ITGB1: variants seen among roughly 807,000 people sequenced by gnomAD.
ITGB1 encodes the protein integrin beta-1.
A neutral mutation model predicts 86.5 loss-of-function variants in ITGB1; 24 were observed. The observed-to-expected ratio is 0.28, with a 90% CI of 0.20 to 0.39. The LOEUF (loss-of-function observed/expected upper bound fraction) is 0.39. ITGB1 is among the 10% of genes least tolerant of loss of function. The pLI, the probability that ITGB1 is intolerant of heterozygous loss-of-function variation, is 1.00. For synonymous variants in ITGB1, 323 were observed against 316.8 expected (o/e 1.02, Z -0.21); for missense variants, 556 against 946.9 (o/e 0.59, Z 5.42).
In ITGB1 at chr10:32,924,594, A is replaced by G. The variant is rs562805257; in HGVS notation, c.787-854T>C. ...CCAACACAGAAAAACAGCCACAATC[A>G]AGGGTGTTATGGCTTGTTTAATACC... On this transcript the variant is annotated intron_variant, in intron 6 of 15. Coordinates refer to ENST00000302278, the MANE Select transcript of ITGB1 (RefSeq NM_002211.4). Among the ~76,000 whole-genome samples, 219 of 152,262 alleles carry G rather than the reference A, an allele frequency of 1.4e-3. 1 individual carries two copies. The highest frequency in any genetic ancestry group is 5.0e-3 in the African/African-American group (208 of 41,550).
At chr10:32,912,666 G>C (rs1593857168) in intron 11 of ITGB1, among the ~76,000 whole-genome samples, 1 of 152,206 alleles carries the variant, frequency 6.6e-6, no homozygotes, top group African/African-American at 2.4e-5. Context: ...GCAAAAAAAA[G>C]CTAAAACTGG....
intron 1 of ITGB1, among the ~76,000 whole-genome samples, chr10:32,943,237 C>T (rs889446350): frequency 6.6e-6 from 1 of 152,140 alleles, no homozygotes; most frequent in Admixed American, 6.5e-5. Context: ...ATGCTCATAG[C>T]TCTTAAACAT....
Position 32,922,294 on chromosome 10 carries a change from G to C in ITGB1, c.1091C>G (p.Ser364Cys). ...KSAVGTLSAN[S>C]SNVIQLIIDA... ...AATGATCAACTGAATTACATTGCTA[G>C]AATTTGCAGATAATGTTCCTACTGC... The change falls in exon 9 of 16, where the codon TCT (serine) becomes TGT (cysteine). Residue 364 changes from serine to cysteine, a missense_variant. Around this residue, in one of 4 missense-constraint regions of ITGB1, gnomAD observed 330 missense variants for 531.5 expected, o/e 0.62. Transcript: ENST00000302278. The C allele has an allele frequency of 6.2e-7, 1 of 1,609,758 alleles. No individual in the cohort carries two copies. The highest frequency in any genetic ancestry group is 8.5e-7 in the Non-Finnish European group (1 of 1,177,932).
In ITGB1 at chr10:32,929,961, G is replaced by A. The variant is rs1163742197; in HGVS notation, c.237C>T (p.Asp79=). ...CTTTGGAGCCTCTGGGATTTTCTAT[G>A]TCATCTGGAGGGCAACCCTTCTTTT... ...ALKKKGCPPD[D]IENPRGSKDI... The change falls in exon 4 of 16, where the codon GAC becomes GAT. Residue 79 remains aspartate (D), a synonymous_variant. Coordinates refer to ENST00000302278, the MANE Select transcript of ITGB1 (RefSeq NM_002211.4). The A allele has an allele frequency of 1.5e-6, 2 of 1,351,734 alleles. No individual in the cohort carries two copies. The allele number at this position is 1,351,734 out of a possible 1,614,324, so 83.7% of individuals were successfully genotyped here.
chr10:32,919,015 T>A (rs1290756275), intron 11 of ITGB1, among the ~76,000 whole-genome samples: 1 of 152,230 alleles, frequency 6.6e-6, no homozygotes, highest in Non-Finnish European at 1.5e-5. Context: ...GCAAAGTATT[T>A]TCAAGATAAT....
intron 1 of ITGB1, among the ~76,000 whole-genome samples, chr10:32,945,504 C>T (rs970101908): frequency 6.6e-6 from 1 of 151,884 alleles, no homozygotes; most frequent in Non-Finnish European, 1.5e-5. Context: ...GAGGCTGAGG[C>T]AGGAGAATGG....
At chr10:32,915,619 A>G (rs1232080264) in intron 11 of ITGB1, among the ~76,000 whole-genome samples, 1 of 152,242 alleles carries the variant, frequency 6.6e-6, no homozygotes, top group Non-Finnish European at 1.5e-5. Context: ...ACCAGGAAGA[A>G]GTTGAATCAC....
intron 3 of ITGB1, among the ~76,000 whole-genome samples, chr10:32,930,817 G>A (rs1393138104): frequency 6.6e-6 from 1 of 152,048 alleles, no homozygotes; most frequent in African/African-American, 2.4e-5. Flanking sequence ...TTTAAATGTG[G>A]TATACATCAA....
At chr10:32,906,554 C>T in intron 15 of ITGB1, 1 of 194,922 alleles carries the variant, frequency 5.1e-6, no homozygotes, top group Non-Finnish European at 1.1e-5. Flanking sequence ...CACACCACTG[C>T]ACTCCAGGCT....
chr10:32,935,815 C>T (rs1032132885), intron 1 of ITGB1: 1 of 320,260 alleles, frequency 3.1e-6, no homozygotes, highest in East Asian at 5.2e-5. Flanking sequence ...CTAAAGCAAA[C>T]CGATTATATT....
rs561258450 is a variant in ITGB1 at position 32,951,225 on chromosome 10, C to T, written c.-1+6920G>A. Among the ~76,000 whole-genome samples, 61 of 152,068 alleles carry T rather than the reference C, an allele frequency of 4.0e-4. No individual in the cohort carries two copies. The South Asian group carries it at 0.012, about 30-fold the overall frequency. On this transcript the variant is annotated intron_variant, in intron 1 of 15. Transcript: ENST00000302278. ...TGACAGTGATCAAAGAGCAAAACCA[C>T]AAAAGTCGAGGAAAAGTAAACAGAA...
intron 1 of ITGB1, among the ~76,000 whole-genome samples, chr10:32,954,053 A>C (rs1458171192): frequency 1.3e-5 from 2 of 151,798 alleles, no homozygotes; most frequent in African/African-American, 2.4e-5. Context: ...TTCACTCCAC[A>C]CCCTCCTTTG....
chr10:32,949,059 T>C (rs1235486822), intron 1 of ITGB1, among the ~76,000 whole-genome samples: 6 of 151,722 alleles, frequency 4.0e-5, no homozygotes, highest in African/African-American at 1.2e-4. Context: ...GTTTTGATGA[T>C]TTAAAGTAAT....
intron 9 of ITGB1, among the ~76,000 whole-genome samples, chr10:32,921,858 CAAAA>C (rs879782581): frequency 7.3e-6 from 1 of 136,840 alleles, no homozygotes; most frequent in Non-Finnish European, 1.6e-5. Context: ...GAAGAATTGG[CAAAA>C]AAAAAAACTT....
At chr10:32,929,247 G>A (rs2094975437) in intron 4 of ITGB1, among the ~76,000 whole-genome samples, 1 of 152,040 alleles carries the variant, frequency 6.6e-6, no homozygotes, top group Non-Finnish European at 1.5e-5. Flanking sequence ...GCGGGCTGAA[G>A]GCGATGGTGG....
intron 9 of ITGB1, among the ~76,000 whole-genome samples, chr10:32,921,007 A>C (rs2094947827): frequency 6.6e-6 from 1 of 150,656 alleles, no homozygotes; most frequent in Non-Finnish European, 1.5e-5. Flanking sequence ...AAACAAAAAC[A>C]GAAACCCCCC....
At chr10:32,935,417 T>C (rs2094998066) in intron 2 of ITGB1, 75 bp downstream of exon 2, 3 of 892,484 alleles carry the variant, frequency 3.4e-6, no homozygotes, top group Admixed American at 3.6e-5. Context: ...TAGGTTCTCA[T>C]ATGAACCTAA....
chr10:32,922,131 G>T (rs2094951966), intron 9 of ITGB1, 126 bp downstream of exon 9: 3 of 559,422 alleles, frequency 5.4e-6, no homozygotes, highest in East Asian at 6.5e-5. Flanking sequence ...GATACATACA[G>T]AATTTAAGTT....
At chr10:32,931,688 T>C (rs895193583) in intron 3 of ITGB1, among the ~76,000 whole-genome samples, 1 of 152,134 alleles carries the variant, frequency 6.6e-6, no homozygotes, top group South Asian at 2.1e-4. Context: ...ATACGACATA[T>C]CTGACACTTG....
Sources: allele counts gnomAD v4.1 joint callset (sites outside exome capture counted in the v4.1 genomes callset), GRCh38; gene constraint gnomAD v4.1.1; regional missense constraint gnomAD v4.1.1; transcripts MANE v1.5; gene names NCBI Gene and HGNC (gene_info 2026-07-23, HGNC 2026-07-21).